SPIRE1: variants seen among roughly 807,000 people sequenced by gnomAD.
The protein encoded by SPIRE1 is protein spire homolog 1.
In SPIRE1, 40 loss-of-function variants were observed where a neutral mutation model predicts 94.1. The observed-to-expected ratio is 0.43, with a 90% confidence interval of 0.33 to 0.55. The LOEUF is 0.55. Ranked by LOEUF, SPIRE1 falls within the 20% of genes least tolerant of loss-of-function variation. The pLI is 0.06. For synonymous variants in SPIRE1, 376 were observed against 371.7 expected (o/e 1.01, Z -0.13); for missense variants, 838 against 975.2 (o/e 0.86, Z 1.87).
At chr18:12,653,737 G>A (rs1020948340) in intron 1 of SPIRE1, among the ~76,000 whole-genome samples, 7 of 151,896 alleles carry the variant, frequency 4.6e-5, no homozygotes, top group Admixed American at 3.3e-4. Flanking sequence ...CACTGAGGTC[G>A]GGAGTTCGTG....
chr18:12,536,934 C>T (rs1185360910), intron 3 of SPIRE1, among the ~76,000 whole-genome samples: 1 of 152,140 alleles, frequency 6.6e-6, no homozygotes, highest in African/African-American at 2.4e-5. Context: ...TAAAAATACG[C>T]ATCTTATTTT....
intron 3 of SPIRE1, among the ~76,000 whole-genome samples, chr18:12,545,032 T>C (rs1007567089): frequency 2.6e-5 from 4 of 152,146 alleles, no homozygotes; most frequent in African/African-American, 9.7e-5. Flanking sequence ...GATGTATGAG[T>C]GGTTTTGCTA....
intron 13 of SPIRE1, 77 bp downstream of exon 13, chr18:12,454,269 A>G: frequency 1.3e-6 from 2 of 1,550,822 alleles, no homozygotes; most frequent in Non-Finnish European, 1.8e-6. Context: ...TGGCTAGCAG[A>G]TAACTCTCCC....
intron 2 of SPIRE1, among the ~76,000 whole-genome samples, chr18:12,548,627 T>C (rs1483478542): frequency 6.6e-6 from 1 of 151,918 alleles, no homozygotes; most frequent in Non-Finnish European, 1.5e-5. Context: ...TTCTTCTTCT[T>C]TTGAGACAAG....
chr18:12,615,415 C>T (rs1458911010), intron 2 of SPIRE1, among the ~76,000 whole-genome samples: 1 of 134,266 alleles, frequency 7.4e-6, no homozygotes, highest in African/African-American at 2.7e-5. Context: ...CGGCGTGCGC[C>T]TGTAGTTCCA....
At chr18:12,542,258 A>C (rs2035035818) in intron 3 of SPIRE1, among the ~76,000 whole-genome samples, 1 of 152,122 alleles carries the variant, frequency 6.6e-6, no homozygotes, top group Non-Finnish European at 1.5e-5. Flanking sequence ...TACAGGCATG[A>C]GCCACCGCAC....
rs139497579 is a variant in SPIRE1 at position 12,641,483 on chromosome 18, C to T, written c.338-6387G>A. ...TCCAGGGTTCAAGCGATTCTCCTGC[C>T]TCAGCCTCCCAAGTAGCTGGGACTA... is the stretch of plus-strand genomic sequence containing the variant. On this transcript the variant is annotated intron_variant, in intron 1 of 16. Transcript: ENST00000409402. Among the ~76,000 whole-genome samples the T allele has an allele frequency of 4.0e-3, 603 of 152,180 alleles. 4 individuals are homozygous for T. The highest frequency in any genetic ancestry group is 0.014 in the African/African-American group (581 of 41,534).
chr18:12,449,968 T>TA (rs1306897940), intron 16 of SPIRE1, 72 bp from the exon 17 acceptor site: 19 of 1,433,678 alleles, frequency 1.3e-5, no homozygotes, highest in African/African-American at 3.3e-5. Context: ...AAAATATGTA[T>TA]AAAAAAAAGT....
chr18:12,621,406 C>T (rs1567972833), intron 2 of SPIRE1, among the ~76,000 whole-genome samples: 1 of 152,078 alleles, frequency 6.6e-6, no homozygotes, highest in Non-Finnish European at 1.5e-5. Flanking sequence ...TATGTCCACA[C>T]AAAAATTTGT....
chr18:12,629,493 T>C (rs1391359466), intron 2 of SPIRE1, among the ~76,000 whole-genome samples: 1 of 152,184 alleles, frequency 6.6e-6, no homozygotes, highest in African/African-American at 2.4e-5. Flanking sequence ...CAAGAGTTTA[T>C]AAATTAGTAG....
intron 1 of SPIRE1, among the ~76,000 whole-genome samples, chr18:12,645,841 T>C (rs1311657663): frequency 6.6e-6 from 1 of 152,098 alleles, no homozygotes; most frequent in Non-Finnish European, 1.5e-5. Context: ...AAGTCCTTCA[T>C]CATCTGATCC....
chr18:12,456,034 T>A (rs1291599779), intron 12 of SPIRE1, among the ~76,000 whole-genome samples: 1 of 152,242 alleles, frequency 6.6e-6, no homozygotes, highest in African/African-American at 2.4e-5. Flanking sequence ...TAAGGAAGAT[T>A]ACATTTGCTT....
intron 16 of SPIRE1, chr18:12,450,806 G>C: frequency 1.4e-6 from 1 of 735,012 alleles, no homozygotes; most frequent in Non-Finnish European, 2.5e-6. Context: ...CTCTATTGGA[G>C]ACATGGCAAA....
At chr18:12,580,513 G>A (rs35826479) in intron 2 of SPIRE1, among the ~76,000 whole-genome samples, 11,177 of 152,018 alleles carry the variant, frequency 0.074, 573 homozygotes, top group Non-Finnish European at 0.11. Flanking sequence ...CAGTAGAGAC[G>A]GGGTTTCACC....
intron 1 of SPIRE1, chr18:12,636,424 G>C (rs1430935580): frequency 1.3e-5 from 2 of 149,532 alleles, no homozygotes; most frequent in Non-Finnish European, 3.0e-5. Flanking sequence ...CATCACAAAA[G>C]AAAAATCACA....
rs142065696 is a variant in SPIRE1 at position 12,477,311 on chromosome 18, G to A, written c.1404+2388C>T. Among the ~76,000 whole-genome samples the A allele has an allele frequency of 8.3e-4, 127 of 152,226 alleles. 1 individual carries two copies. The highest frequency in any genetic ancestry group is 2.7e-3 in the African/African-American group (113 of 41,520). ...TGATCTGTGTAGCCGTGGTCACAGAGGTTCCTGGGCCCTTGAGTGCCATGA... is the reference window on the plus strand; with the variant it reads ...TGATCTGTGTAGCCGTGGTCACAGAAGTTCCTGGGCCCTTGAGTGCCATGA... On this transcript the variant is annotated intron_variant, in intron 10 of 16. Transcript: ENST00000409402.
chr18:12,574,934 C>T (rs2036055185), intron 2 of SPIRE1, among the ~76,000 whole-genome samples: 1 of 152,224 alleles, frequency 6.6e-6, no homozygotes. Context: ...AACTCTAGCA[C>T]ACGTCCACTG....
intron 1 of SPIRE1, among the ~76,000 whole-genome samples, chr18:12,640,494 C>T (rs1018251204): frequency 1.2e-4 from 19 of 152,152 alleles, no homozygotes; most frequent in African/African-American, 4.3e-4. Flanking sequence ...GACACACTGT[C>T]GTAGTAAACA....
intron 7 of SPIRE1, among the ~76,000 whole-genome samples, chr18:12,495,176 C>T (rs949021228): frequency 2.0e-5 from 3 of 151,882 alleles, no homozygotes; most frequent in Non-Finnish European, 4.4e-5. Flanking sequence ...TTTCTAGTTA[C>T]TTTATGTACA....
Sources: gnomAD v4.1 joint callset for allele counts (sites outside exome capture counted in the v4.1 genomes callset) on GRCh38, gnomAD v4.1.1 for gene constraint, MANE v1.5 for transcripts, NCBI Gene and HGNC (gene_info 2026-07-23, HGNC 2026-07-21) for gene names.